DHX35: variants seen among roughly 807,000 people sequenced by gnomAD.
DHX35 encodes the protein DEAH-box helicase 35.
A neutral mutation model predicts 99.6 loss-of-function variants in DHX35; 84 were observed. That is an observed-to-expected ratio of 0.84 (90% CI 0.71 to 1.01). DHX35 has a LOEUF of 1.01. Ranked by LOEUF, DHX35 falls within the 50% of genes least tolerant of loss-of-function variation. DHX35 has a pLI of 0.00. For synonymous variants in DHX35, 331 were observed against 316.2 expected (o/e 1.05, Z -0.50); for missense variants, 852 against 888.5 (o/e 0.96, Z 0.52).
intron 21 of DHX35, among the ~76,000 whole-genome samples, chr20:39,038,095 T>G (rs1025609296): frequency 6.6e-6 from 1 of 152,220 alleles, no homozygotes; most frequent in Admixed American, 6.5e-5. Context: ...TAATTTTTCT[T>G]GACTATTGTC....
At chr20:39,036,535 G>C (rs1208400833) in intron 21 of DHX35, among the ~76,000 whole-genome samples, 1 of 151,828 alleles carries the variant, frequency 6.6e-6, no homozygotes, top group Non-Finnish European at 1.5e-5. Flanking sequence ...AGACCAGCCT[G>C]GCCAACATGG....
At chr20:38,993,335 G>A (rs1178746210) in intron 7 of DHX35, among the ~76,000 whole-genome samples, 2 of 152,168 alleles carry the variant, frequency 1.3e-5, no homozygotes, top group Admixed American at 6.5e-5. Context: ...TCTCAGTCAC[G>A]TTGGCTATTT....
intron 3 of DHX35, among the ~76,000 whole-genome samples, chr20:38,980,365 C>T (rs1407786535): frequency 6.6e-6 from 1 of 152,110 alleles, no homozygotes; most frequent in East Asian, 1.9e-4. Flanking sequence ...TTTGTTTCCT[C>T]ATCTGTGTAT....
At chr20:39,033,028 G>A (rs2087083425) in intron 20 of DHX35, among the ~76,000 whole-genome samples, 1 of 152,080 alleles carries the variant, frequency 6.6e-6, no homozygotes, top group Non-Finnish European at 1.5e-5. Flanking sequence ...ATTGCTTGAG[G>A]TCAGGAGTTC....
At chr20:38,979,431 T>G (rs1201968462) in intron 3 of DHX35, among the ~76,000 whole-genome samples, 1 of 152,190 alleles carries the variant, frequency 6.6e-6, no homozygotes, top group Non-Finnish European at 1.5e-5. Flanking sequence ...GGAAATACAT[T>G]TACATAGTAC....
chr20:38,987,308 C>T (rs1342427569), intron 4 of DHX35, among the ~76,000 whole-genome samples: 7 of 152,128 alleles, frequency 4.6e-5, no homozygotes, highest in African/African-American at 9.7e-5. Flanking sequence ...GGTGTGACCT[C>T]GGCTCATTGC....
At chr20:38,989,026 G>A in intron 5 of DHX35, 109 bp downstream of exon 5, 1 of 1,202,412 alleles carries the variant, frequency 8.3e-7, no homozygotes, top group Non-Finnish European at 1.1e-6. Flanking sequence ...TACCATGGCA[G>A]AAAGTGAAGA....
intron 21 of DHX35, among the ~76,000 whole-genome samples, chr20:39,036,568 A>T (rs1319449885): frequency 6.6e-6 from 1 of 151,876 alleles, no homozygotes; most frequent in Non-Finnish European, 1.5e-5. Flanking sequence ...TCTACTAAAA[A>T]TACAAAAATT....
chr20:39,004,229 ATTT>A (rs1015826742), intron 11 of DHX35, among the ~76,000 whole-genome samples: 2 of 150,970 alleles, frequency 1.3e-5, no homozygotes, highest in African/African-American at 4.9e-5. Flanking sequence ...CACCCGGCTA[ATTT>A]TTTTTTGTAT....
At chr20:39,037,402 C>T (rs1252712231) in intron 21 of DHX35, among the ~76,000 whole-genome samples, 1 of 152,218 alleles carries the variant, frequency 6.6e-6, no homozygotes, top group African/African-American at 2.4e-5. Flanking sequence ...AGTCCTCCCT[C>T]AGGTGTAAGC....
rs753255310 is a variant in DHX35 at position 39,002,784 on chromosome 20, T to C, written c.768T>C (p.Asp256=). ...DIFYLQSPVP[D]YIKSTVETVV... Reference sequence around the variant, plus strand: ...TTTGTCTTTTCAGTCCTGTTCCAGATTATATCAAATCAACTGTCGAAACTG... The same window carrying C: ...TTTGTCTTTTCAGTCCTGTTCCAGACTATATCAAATCAACTGTCGAAACTG... The change falls in exon 10 of 22, where the codon GAT becomes GAC. Residue 256 remains aspartate (D), a synonymous_variant. Coordinates refer to ENST00000252011, the MANE Select transcript of DHX35 (RefSeq NM_021931.4). 4 of 1,614,006 alleles carry C rather than the reference T, an allele frequency of 2.5e-6. No individual in the cohort carries two copies. The highest frequency in any genetic ancestry group is 3.4e-6 in the Non-Finnish European group (4 of 1,179,992).
intron 5 of DHX35, among the ~76,000 whole-genome samples, chr20:38,989,328 A>G (rs2086302114): frequency 7.5e-6 from 1 of 133,478 alleles, no homozygotes; most frequent in African/African-American, 2.9e-5. Context: ...GTTAGCCAGG[A>G]TGGTCTCAAT....
At chr20:39,028,562 A>G in intron 19 of DHX35, 63 bp downstream of exon 19, 1 of 1,536,354 alleles carries the variant, frequency 6.5e-7, no homozygotes, top group Non-Finnish European at 9.0e-7. Flanking sequence ...CCCAAACCCC[A>G]CAGAAAGCTG....
chr20:38,994,692 C>A, intron 7 of DHX35, 129 bp from the exon 8 acceptor site: 1 of 388,352 alleles, frequency 2.6e-6, no homozygotes, highest in Non-Finnish European at 4.6e-6. Context: ...CTGTAAGCTC[C>A]CTTACCTCCT....
chr20:38,974,176 CT>C (rs1276942827), intron 3 of DHX35, among the ~76,000 whole-genome samples: 1 of 152,106 alleles, frequency 6.6e-6, no homozygotes, highest in Non-Finnish European at 1.5e-5. Context: ...ACAAGCTGAG[CT>C]TTAGATAAAT....
intron 2 of DHX35, among the ~76,000 whole-genome samples, chr20:38,971,124 G>A (rs558701598): frequency 2.0e-5 from 3 of 152,152 alleles, no homozygotes; most frequent in East Asian, 1.9e-4. Flanking sequence ...AGGCTGAGGC[G>A]GGTGGATCAC....
intron 3 of DHX35, among the ~76,000 whole-genome samples, chr20:38,979,071 A>G (rs1242123565): frequency 2.6e-5 from 4 of 151,736 alleles, no homozygotes; most frequent in African/African-American, 9.7e-5. Context: ...TTATGTGAGG[A>G]CCATGCTGTT....
At chr20:38,988,717 T>C (rs2086286608) in intron 4 of DHX35, 96 bp from the exon 5 acceptor site, 1 of 1,534,470 alleles carries the variant, frequency 6.5e-7, no homozygotes, top group African/African-American at 1.4e-5. Context: ...GTTCACATAC[T>C]ATTTAAAATA....
intron 4 of DHX35, among the ~76,000 whole-genome samples, chr20:38,986,628 C>A (rs1177959638): frequency 6.6e-6 from 1 of 152,106 alleles, no homozygotes; most frequent in Non-Finnish European, 1.5e-5. Flanking sequence ...ACATTCTCTA[C>A]CTGTACCATA....
Sources: allele counts gnomAD v4.1 joint callset (sites outside exome capture counted in the v4.1 genomes callset), GRCh38; gene constraint gnomAD v4.1.1; transcripts MANE v1.5; gene names NCBI Gene and HGNC (gene_info 2026-07-23, HGNC 2026-07-21).